Variants in HECW1 observed in about 807,000 individuals in gnomAD.
The protein encoded by HECW1 is E3 ubiquitin-protein ligase HECW1.
Under a neutral mutation model 182.3 loss-of-function variants are expected in HECW1, and 61 were observed. The observed-to-expected ratio is 0.33, with a 90% confidence interval of 0.27 to 0.41. The LOEUF (loss-of-function observed/expected upper bound fraction) is 0.41, where lower values mean the gene tolerates loss of function less well. HECW1 is among the 10% of genes least tolerant of loss of function. HECW1 has a pLI of 1.00. For synonymous variants in HECW1, 859 were observed against 832.6 expected (o/e 1.03, Z -0.55); for missense variants, 1,739 against 2,108.9 (o/e 0.82, Z 3.44).
intron 2 of HECW1, among the ~76,000 whole-genome samples, chr7:43,132,194 G>GT (rs1787019129): frequency 6.6e-6 from 1 of 150,686 alleles, no homozygotes; most frequent in African/African-American, 2.5e-5. Flanking sequence ...AGGTTTTGGT[G>GT]TTTCTCTTGC....
intron 24 of HECW1, among the ~76,000 whole-genome samples, chr7:43,514,918 T>C (rs2080071110): frequency 6.6e-6 from 1 of 151,920 alleles, no homozygotes; most frequent in Non-Finnish European, 1.5e-5. Flanking sequence ...GAGGACCAGG[T>C]AGGAATAGGA....
chr7:43,407,866 G>A, intron 8 of HECW1, 135 bp downstream of exon 8: 2 of 771,868 alleles, frequency 2.6e-6, no homozygotes, highest in South Asian at 4.5e-5. Context: ...GTCTTAGAAG[G>A]GAGCCATGTT....
At chr7:43,471,640 G>A (rs770008352) in intron 16 of HECW1, among the ~76,000 whole-genome samples, 2 of 152,208 alleles carry the variant, frequency 1.3e-5, no homozygotes, top group Non-Finnish European at 2.9e-5. Flanking sequence ...GGAGGACAGA[G>A]CCTTCTGCCC....
chr7:43,465,953 AAG>A (rs761493410), intron 14 of HECW1, among the ~76,000 whole-genome samples: 3 of 147,016 alleles, frequency 2.0e-5, no homozygotes, highest in Non-Finnish European at 4.5e-5. Flanking sequence ...GAAGAAAAGA[AAG>A]AGAAAGAAAG....
intron 5 of HECW1, among the ~76,000 whole-genome samples, chr7:43,340,346 G>C (rs1562859157): frequency 6.6e-6 from 1 of 150,726 alleles, no homozygotes; most frequent in Non-Finnish European, 1.5e-5. Context: ...TCAGCCTCCA[G>C]AGTAGCTGGG....
chr7:43,219,875 C>G (rs781198784), intron 2 of HECW1, among the ~76,000 whole-genome samples: 2 of 152,134 alleles, frequency 1.3e-5, no homozygotes, highest in African/African-American at 2.4e-5. Flanking sequence ...GTGGTATCCT[C>G]CCTTACTACC....
At chr7:43,480,678 T>G (rs1426493389) in intron 17 of HECW1, among the ~76,000 whole-genome samples, 1 of 136,410 alleles carries the variant, frequency 7.3e-6, no homozygotes, top group Non-Finnish European at 1.7e-5. Context: ...CACACACATA[T>G]ATACGCATAT....
intron 5 of HECW1, among the ~76,000 whole-genome samples, chr7:43,334,827 T>G (rs1268638942): frequency 1.3e-5 from 2 of 152,196 alleles, no homozygotes; most frequent in Non-Finnish European, 2.9e-5. Flanking sequence ...TTACAAATAG[T>G]CTACCCTCTA....
chr7:43,391,044 A>C (rs750627415), intron 6 of HECW1, among the ~76,000 whole-genome samples: 4 of 152,164 alleles, frequency 2.6e-5, no homozygotes, highest in Non-Finnish European at 5.9e-5. Context: ...GAACTCCCCA[A>C]ACCTTTAGAA....
chr7:43,382,501 C>T (rs181426982), intron 6 of HECW1, among the ~76,000 whole-genome samples: 1 of 152,156 alleles, frequency 6.6e-6, no homozygotes, highest in Non-Finnish European at 1.5e-5. Context: ...TAGATTTCAA[C>T]ATCATAGAGA....
chr7:43,531,529 C>T (rs34157616), intron 24 of HECW1, among the ~76,000 whole-genome samples: 26,987 of 152,180 alleles, frequency 0.18, 2,976 homozygotes, highest in Non-Finnish European at 0.25. Context: ...ACCCAAACCT[C>T]CATGTCATGC....
intron 5 of HECW1, among the ~76,000 whole-genome samples, chr7:43,343,156 A>T (rs139110240): frequency 6.6e-6 from 1 of 151,870 alleles, no homozygotes; most frequent in Non-Finnish European, 1.5e-5. Context: ...GGTTCATAAG[A>T]TCTCAGTGTT....
intron 29 of HECW1, among the ~76,000 whole-genome samples, chr7:43,555,850 T>G (rs1202403992): frequency 6.6e-6 from 1 of 152,202 alleles, no homozygotes; most frequent in African/African-American, 2.4e-5. Flanking sequence ...CTAAACCTAG[T>G]GAATGTAAGT....
chr7:43,365,976 G>A (rs1409238781), intron 6 of HECW1, among the ~76,000 whole-genome samples: 1 of 152,056 alleles, frequency 6.6e-6, no homozygotes, highest in Non-Finnish European at 1.5e-5. Flanking sequence ...GGTGGTGCAT[G>A]TCTGCAATCC....
At chr7:43,250,532 C>T (rs1034806396) in intron 3 of HECW1, among the ~76,000 whole-genome samples, 1 of 152,008 alleles carries the variant, frequency 6.6e-6, no homozygotes, top group Non-Finnish European at 1.5e-5. Flanking sequence ...CAATGTAAAG[C>T]CCTAGGAAGT....
chr7:43,276,183 A>G (rs1035327006), intron 3 of HECW1, among the ~76,000 whole-genome samples: 4 of 152,306 alleles, frequency 2.6e-5, no homozygotes, highest in South Asian at 4.1e-4. Flanking sequence ...CATAACAACT[A>G]TGCCAGGGAC....
At chr7:43,306,000 T>C (rs1259168625) in intron 3 of HECW1, among the ~76,000 whole-genome samples, 1 of 152,122 alleles carries the variant, frequency 6.6e-6, no homozygotes, top group Non-Finnish European at 1.5e-5. Context: ...CCTCAGATGA[T>C]CCGCCCACCT....
chr7:43,375,420 C>A (rs895557252), intron 6 of HECW1, among the ~76,000 whole-genome samples: 1 of 151,866 alleles, frequency 6.6e-6, no homozygotes, highest in South Asian at 2.1e-4. Context: ...TTCAGGATTG[C>A]GAAAATTGTG....
At position 43,229,936 on chromosome 7, in the gene HECW1, G is replaced by A. The variant is rs562629699; in HGVS notation, c.-31-13939G>A. ...CATACTTTTGATGGCAAAAACCACG[G>A]TAACTTTTGCACCAGCCTAATACCT... On this transcript the variant is annotated intron_variant, in intron 2 of 29. Coordinates refer to ENST00000395891, the MANE Select transcript of HECW1 (RefSeq NM_015052.5). Among the ~76,000 whole-genome samples the A allele has an allele frequency of 3.3e-3, 506 of 152,284 alleles. 3 individuals are homozygous for A. The highest frequency in any genetic ancestry group is 0.011 in the African/African-American group (469 of 41,560).
Sources: allele counts gnomAD v4.1 joint callset (sites outside exome capture counted in the v4.1 genomes callset), GRCh38; gene constraint gnomAD v4.1.1; transcripts MANE v1.5; gene names NCBI Gene and HGNC (gene_info 2026-07-23, HGNC 2026-07-21).